DYRK3: variants seen among roughly 807,000 people sequenced by gnomAD.
DYRK3 encodes the protein dual specificity tyrosine phosphorylation regulated kinase 3.
DYRK3 carries 30 observed loss-of-function variants against 40.8 expected under a neutral mutation model. That is an observed-to-expected ratio of 0.74 (90% CI 0.55 to 1.00). The LOEUF (loss-of-function observed/expected upper bound fraction) is 1.00. Among genes scored for constraint, DYRK3 ranks in the 50% least tolerant of loss-of-function variants. DYRK3 has a pLI of 0.00. For missense variants in DYRK3, 699 were observed against 731.5 expected (o/e 0.96, Z 0.51); for synonymous variants, 272 against 260.7 (o/e 1.04, Z -0.42).
chr1:206,642,894 T>C (rs1267996122), intron 2 of DYRK3, among the ~76,000 whole-genome samples: 3 of 151,814 alleles, frequency 2.0e-5, no homozygotes, highest in Non-Finnish European at 4.4e-5. Context: ...GTAACCTGCG[T>C]GTGGTGCACA....
intron 1 of DYRK3, among the ~76,000 whole-genome samples, chr1:206,636,578 G>T (rs1327471596): frequency 6.6e-6 from 1 of 152,152 alleles, no homozygotes; most frequent in Non-Finnish European, 1.5e-5. Context: ...AATATTTGTA[G>T]CGGTTTTTTT....
Position 206,647,410 on chromosome 1 carries a change from G to A in DYRK3, c.212G>A (p.Gly71Glu). Residue 71 changes from glycine to glutamate, a missense_variant, in exon 3 of 3, where the codon GGA becomes GAA. Gly to Glu is a moderately conservative substitution (Grantham distance 98). Coordinates refer to ENST00000367109, the MANE Select transcript of DYRK3 (RefSeq NM_003582.4). ...TAGATGACCACTGAGCAGTTTACAG[G>A]AGATCATACTCAGCACTTTTTGGAT... ...RLNMTTEQFT[G>E]DHTQHFLDGG... 1 of 1,612,370 alleles carries A rather than the reference G, an allele frequency of 6.2e-7. No homozygotes were observed. Among genetic ancestry groups the A allele is most frequent in the Non-Finnish European group, 8.5e-7 (1 of 1,179,162 alleles).
intron 2 of DYRK3, among the ~76,000 whole-genome samples, chr1:206,641,188 T>C (rs1289517228): frequency 1.3e-5 from 2 of 152,116 alleles, no homozygotes; most frequent in Non-Finnish European, 2.9e-5. Context: ...ACCCGAGCAG[T>C]GTATACTAGA....
rs1176273133 is a variant in DYRK3, at chr1:206,654,284, C to T, written c.*5319C>T. On this transcript the variant is annotated 3_prime_UTR_variant, in exon 3 of 3. Coordinates refer to ENST00000367109, the MANE Select transcript of DYRK3 (RefSeq NM_003582.4). ...TCTGAGAATTAAAAATACATACTTA[C>T]ACCTTGAGCCAGGTAGAATTGCCAG... is the stretch of plus-strand genomic sequence containing the variant. 6.6e-6 allele frequency among the ~76,000 whole-genome samples: 1 copy of T among 152,248 alleles called. No homozygotes were observed. The highest frequency in any genetic ancestry group is 6.5e-5 in the Admixed American group (1 of 15,284).
At position 206,648,283 on chromosome 1, in the gene DYRK3, A is replaced by T. The variant is rs373364814; in HGVS notation, c.1085A>T (p.Glu362Val). The T allele has an allele frequency of 1.2e-6, 2 of 1,613,862 alleles. No individual in the cohort carries two copies. The highest frequency in any genetic ancestry group is 2.7e-5 in the African/African-American group (2 of 74,816). The part of the protein sequence containing the change: ...KVIDFGSSCF[E>V]YQKLYTYIQS... ...ATTGACTTTGGGTCCAGCTGTTTCG[A>T]GTACCAGAAGCTCTACACATATATC... The change falls in exon 3 of 3, where the codon GAG (glutamate) becomes GTG (valine). Residue 362 changes from glutamate to valine, a missense_variant. Glu to Val is a moderately radical substitution (Grantham distance 121, BLOSUM62 -2). Transcript: ENST00000367109.
Position 206,648,935 on chromosome 1 carries a change from A to C in DYRK3, c.1737A>C (p.Leu579=). Residue 579 remains leucine, a synonymous_variant, in exon 3 of 3, where the codon CTA becomes CTC. Coordinates refer to ENST00000367109, the MANE Select transcript of DYRK3 (RefSeq NM_003582.4). ...LMSETNGSIP[L]CSVLPKLIS is the part of the protein sequence containing the mutation. ...CAGAAACCAATGGTAGTATACCCCT[A>C]TGCAGTGTATTGCCAAAACTGATTA... The C allele has an allele frequency of 6.2e-7, 1 of 1,613,668 alleles. No homozygotes were observed.
At chr1:206,638,165 CT>C (rs1671170333) in intron 2 of DYRK3, among the ~76,000 whole-genome samples, 1 of 150,828 alleles carries the variant, frequency 6.6e-6, no homozygotes, top group African/African-American at 2.4e-5. Context: ...GAAATGCAGT[CT>C]TCGTTTATTA....
At chr1:206,637,834 A>G in intron 2 of DYRK3, 73 bp downstream of exon 2, 1 of 1,199,148 alleles carries the variant, frequency 8.3e-7, no homozygotes, top group South Asian at 1.3e-5. Flanking sequence ...TGCTCAAGGT[A>G]CACTTATGTA....
At chr1:206,643,472 C>T (rs565278431) in intron 2 of DYRK3, among the ~76,000 whole-genome samples, 27 of 152,294 alleles carry the variant, frequency 1.8e-4, no homozygotes, top group African/African-American at 4.8e-4. Context: ...CAGCCTTACA[C>T]GTAAGCAGAG....
chr1:206,654,576 T>C lies in DYRK3; in HGVS notation c.*5611T>C, dbSNP rs1553421652. The stretch of plus-strand genomic sequence containing the variant: ...ACCTATCCTTCCTGAAGCCCAAACT[T>C]TTAAAGAATTTACTTCCAGACCTGG... On this transcript the variant is annotated 3_prime_UTR_variant, in exon 3 of 3. Transcript: ENST00000367109. Among the ~76,000 whole-genome samples, 1 of 152,224 alleles carries C rather than the reference T, an allele frequency of 6.6e-6. No homozygotes were observed. The highest frequency in any genetic ancestry group is 2.4e-5 in the African/African-American group (1 of 41,468).
rs782299855 is a variant in DYRK3 at position 206,648,137 on chromosome 1, C to T, written c.939C>T (p.Arg313=). The T allele has an allele frequency of 5.6e-6, 9 of 1,614,132 alleles. No individual in the cohort carries two copies. The highest frequency in any genetic ancestry group is 3.3e-5 in the South Asian group (3 of 91,076). Residue 313 remains arginine, a synonymous_variant, in exon 3 of 3, where the codon CGC becomes CGT. Coordinates refer to ENST00000367109, the MANE Select transcript of DYRK3 (RefSeq NM_003582.4). ...KFQGFSVQLV[R]KFAQSILQSL... ...AGGGTTTTAGCGTCCAGTTGGTACG[C>T]AAGTTTGCCCAGTCCATCTTGCAAT...
chr1:206,647,647 A>G lies in DYRK3; in HGVS notation c.449A>G (p.Tyr150Cys), dbSNP rs782370811. 2.5e-6 allele frequency: 4 copies of G among 1,614,222 alleles called. No homozygotes were observed. Among genetic ancestry groups the G allele is most frequent in the Non-Finnish European group, 8.5e-7 (1 of 1,180,038 alleles). ...PLTPEQALKQ[Y>C]KHHLTAYEKL... Reference sequence around the variant, plus strand: ...ACTCCAGAACAAGCCCTGAAGCAATATAAACACCACCTCACTGCCTATGAG... The same window carrying G: ...ACTCCAGAACAAGCCCTGAAGCAATGTAAACACCACCTCACTGCCTATGAG... Residue 150 changes from tyrosine to cysteine, a missense_variant, in exon 3 of 3, where the codon TAT becomes TGT. Transcript: ENST00000367109.
intron 2 of DYRK3, among the ~76,000 whole-genome samples, chr1:206,641,134 A>G (rs766723176): frequency 6.6e-6 from 1 of 151,924 alleles, no homozygotes; most frequent in South Asian, 2.1e-4. Flanking sequence ...GGTTACATGA[A>G]TAAGTTCTTT....
In DYRK3 at chr1:206,647,011, T is replaced by C. The variant is rs79868204; in HGVS notation, c.190-377T>C. Among the ~76,000 whole-genome samples the C allele has an allele frequency of 7.6e-3, 1,150 of 152,254 alleles. 17 individuals are homozygous for C. Among genetic ancestry groups the C allele is most frequent in the African/African-American group, 0.026 (1,078 of 41,540 alleles). ...AATTAGTATGGGCTTGGCATAGTTC[T>C]AAGTGGAAGAGAGAGGAATTAAACT... is the stretch of plus-strand genomic sequence containing the variant. On this transcript the variant is annotated intron_variant, in intron 2 of 2. Coordinates refer to ENST00000367109, the MANE Select transcript of DYRK3 (RefSeq NM_003582.4).
intron 2 of DYRK3, among the ~76,000 whole-genome samples, chr1:206,638,264 A>C (rs1248189539): frequency 7.3e-6 from 1 of 136,164 alleles, no homozygotes; most frequent in Non-Finnish European, 1.5e-5. Context: ...GACTGCAGAC[A>C]CTTAGCTTTT....
At position 206,635,612 on chromosome 1, in the gene DYRK3, C is replaced by T; in HGVS notation, c.-92C>T. The T allele has an allele frequency of 8.1e-7, 1 of 1,229,830 alleles. No homozygotes were observed. Among genetic ancestry groups the T allele is most frequent in the African/African-American group, 1.6e-5 (1 of 64,398 alleles). 76.2% of individuals were successfully genotyped at this position (1,229,830 alleles called of 1,614,324 possible). On this transcript the variant is annotated 5_prime_UTR_variant, in exon 1 of 3. Transcript: ENST00000367109. Reference sequence around the variant, plus strand: ...TGGTCGAGAGTACCCGTGGGAGCGTCGCGCCGCGGAGGCAGCCGTCCCGGC... The same window carrying T: ...TGGTCGAGAGTACCCGTGGGAGCGTTGCGCCGCGGAGGCAGCCGTCCCGGC...
At position 206,647,841 on chromosome 1, in the gene DYRK3, AT is replaced by A; in HGVS notation, c.645del (p.Ile215MetfsTer23). On this transcript the variant is annotated frameshift_variant, in exon 3 of 3. Coordinates refer to ENST00000367109, the MANE Select transcript of DYRK3 (RefSeq NM_003582.4). LOFTEE classifies it high-confidence loss of function. ...LAYRYEVLKI[I>X]GKGSFGQVAR... ...TTATCGATATGAGGTGCTGAAAATT[AT>A]TGGCAAGGGGAGTTTTGGGCAGGTG... 1 of 1,614,140 alleles carries A rather than the reference AT, an allele frequency of 6.2e-7. No homozygotes were observed. Among genetic ancestry groups the A allele is most frequent in the Non-Finnish European group, 8.5e-7 (1 of 1,180,038 alleles).
Position 206,650,830 on chromosome 1 carries a change from G to A in DYRK3, c.*1865G>A, listed in dbSNP as rs1388043348. Among the ~76,000 whole-genome samples the A allele has an allele frequency of 1.3e-5, 2 of 152,178 alleles. No homozygotes were observed. Among genetic ancestry groups the A allele is most frequent in the Non-Finnish European group, 2.9e-5 (2 of 68,044 alleles). On this transcript the variant is annotated 3_prime_UTR_variant, in exon 3 of 3. Transcript: ENST00000367109. Reference sequence around the variant, plus strand: ...TCTCTCTCATTTAAATGTCCACAGTGGCTTTAGTCTCCCAAGTACAAGGGC... The same window carrying A: ...TCTCTCTCATTTAAATGTCCACAGTAGCTTTAGTCTCCCAAGTACAAGGGC...
In DYRK3 at chr1:206,650,272, A is replaced by G. The variant is rs955352220; in HGVS notation, c.*1307A>G. ...AAAGTATGCTCAAGTTCTATCCTAA[A>G]TGTGTGCTCTTGGCTGGGTATTAGT... On this transcript the variant is annotated 3_prime_UTR_variant, in exon 3 of 3. Transcript: ENST00000367109. Among the ~76,000 whole-genome samples the G allele has an allele frequency of 7.9e-5, 12 of 152,190 alleles. No individual in the cohort carries two copies. The highest frequency in any genetic ancestry group is 2.1e-4 in the South Asian group (1 of 4,826).
Sources: allele counts gnomAD v4.1 joint callset (sites outside exome capture counted in the v4.1 genomes callset), GRCh38; gene constraint gnomAD v4.1.1; transcripts MANE v1.5; gene names NCBI Gene and HGNC (gene_info 2026-07-23, HGNC 2026-07-21).